KYNU: variants seen among roughly 807,000 people sequenced by gnomAD.
KYNU encodes the protein L-kynurenine hydrolase.
KYNU carries 54 observed loss-of-function variants against 59.2 expected under a neutral mutation model. The observed-to-expected ratio is 0.91, with a 90% CI of 0.73 to 1.14. KYNU has a LOEUF of 1.14. KYNU is among the 50% of genes most tolerant of loss of function. The pLI is 0.00. For synonymous variants in KYNU, 177 were observed against 192.0 expected, an observed-to-expected ratio of 0.92 and a Z score of 0.65; for missense variants, 567 against 554.4, an observed-to-expected ratio of 1.02 and a Z score of -0.23.
At chr2:142,980,085 C>T (rs950396715) in intron 8 of KYNU, among the ~76,000 whole-genome samples, 5 of 151,980 alleles carry the variant, frequency 3.3e-5, no homozygotes, top group African/African-American at 7.2e-5. Context: ...TTCCCAGAAC[C>T]GAGGGTTCCT....
In KYNU at chr2:143,021,892, T is replaced by C. The variant is rs376376529; in HGVS notation, c.903-7735T>C. ...ATTGACATTTTCTTAATATTGAATA[T>C]TGTTCAAGTATTTTTATTGTTCAGG... On this transcript the variant is annotated intron_variant, in intron 10 of 13. Coordinates refer to ENST00000264170, the MANE Select transcript of KYNU (RefSeq NM_003937.3). 7.7e-4 allele frequency among the ~76,000 whole-genome samples: 118 copies of C among 152,330 alleles called. 1 individual carries two copies. Among genetic ancestry groups the C allele is most frequent in the African/African-American group, 2.4e-3 (101 of 41,578 alleles).
At chr2:142,959,230 C>T (rs1457863320) in intron 7 of KYNU, among the ~76,000 whole-genome samples, 1 of 152,058 alleles carries the variant, frequency 6.6e-6, no homozygotes, top group Non-Finnish European at 1.5e-5. Flanking sequence ...TCTTAATGAG[C>T]TTCCCCCAAA....
At chr2:143,006,525 CA>C (rs1467507311) in intron 10 of KYNU, among the ~76,000 whole-genome samples, 19 of 444 alleles carry the variant, frequency 0.043, no homozygotes, top group African/African-American at 0.15. Flanking sequence ...ACAAAGCAGC[CA>C]GGAAGCTCAA....
chr2:142,917,728 T>C (rs1682712259), intron 2 of KYNU, among the ~76,000 whole-genome samples: 1 of 152,222 alleles, frequency 6.6e-6, no homozygotes, highest in African/African-American at 2.4e-5. Flanking sequence ...ATATATTTTA[T>C]TGGTCAGGCT....
At chr2:142,888,388 T>C (rs1681588429) in intron 2 of KYNU, among the ~76,000 whole-genome samples, 1 of 152,134 alleles carries the variant, frequency 6.6e-6, no homozygotes, top group Non-Finnish European at 1.5e-5. Flanking sequence ...AGCCCAGTAG[T>C]TCAAGGCTGC....
At chr2:142,993,442 G>C (rs1312160615) in intron 10 of KYNU, among the ~76,000 whole-genome samples, 1 of 151,936 alleles carries the variant, frequency 6.6e-6, no homozygotes, top group Non-Finnish European at 1.5e-5. Context: ...CTCTTGAAGT[G>C]GGTTACACCT....
chr2:142,948,489 GT>G (rs1344089288), intron 4 of KYNU, among the ~76,000 whole-genome samples: 2 of 152,228 alleles, frequency 1.3e-5, no homozygotes, highest in African/African-American at 2.4e-5. Context: ...AGAACTCATA[GT>G]TGCACATAGC....
At chr2:143,001,272 C>T (rs1387368591) in intron 10 of KYNU, among the ~76,000 whole-genome samples, 2 of 152,130 alleles carry the variant, frequency 1.3e-5, no homozygotes, top group Non-Finnish European at 2.9e-5. Context: ...CCCCAGCCAT[C>T]CTCACACCCA....
intron 3 of KYNU, 64 bp from the exon 4 acceptor site, chr2:142,927,595 T>G: frequency 8.6e-7 from 1 of 1,162,104 alleles, no homozygotes; most frequent in East Asian, 2.3e-5. Flanking sequence ...AAAGCTGATA[T>G]TTGAAATAAT....
chr2:143,011,866 G>A (rs1383595994), intron 10 of KYNU, among the ~76,000 whole-genome samples: 1 of 131,738 alleles, frequency 7.6e-6, no homozygotes, highest in Non-Finnish European at 1.6e-5. Context: ...TGAACAATGA[G>A]ATCACATGGA....
chr2:142,914,073 G>A (rs1055241801), intron 2 of KYNU, among the ~76,000 whole-genome samples: 11 of 152,166 alleles, frequency 7.2e-5, no homozygotes, highest in Admixed American at 3.9e-4. Context: ...AGGCCTGTGC[G>A]GCTCCACTGG....
chr2:143,014,236 A>G (rs1206946641), intron 10 of KYNU, among the ~76,000 whole-genome samples: 3 of 152,236 alleles, frequency 2.0e-5, no homozygotes, highest in Non-Finnish European at 4.4e-5. Context: ...TCTCAAACAT[A>G]TGTGGAGTTC....
intron 10 of KYNU, among the ~76,000 whole-genome samples, chr2:143,005,640 A>G (rs1243708757): frequency 6.6e-6 from 1 of 152,114 alleles, no homozygotes; most frequent in African/African-American, 2.4e-5. Flanking sequence ...AACCTTGTAT[A>G]TTTGAATAGT....
chr2:142,936,571 C>G (rs1683397502), intron 4 of KYNU, among the ~76,000 whole-genome samples: 1 of 152,050 alleles, frequency 6.6e-6, no homozygotes, highest in Non-Finnish European at 1.5e-5. Flanking sequence ...TTTTTCGTTC[C>G]CGGAATGGGA....
chr2:142,925,852 T>C (rs1302124053), intron 3 of KYNU, among the ~76,000 whole-genome samples: 1 of 152,172 alleles, frequency 6.6e-6, no homozygotes, highest in East Asian at 1.9e-4. Context: ...CCCAGGTTGG[T>C]ACTATACAAA....
chr2:143,026,758 C>CTT (rs1686584157), intron 10 of KYNU, among the ~76,000 whole-genome samples: 16 of 127,318 alleles, frequency 1.3e-4, no homozygotes, highest in Admixed American at 7.8e-4. Context: ...CCGCAGTCCG[C>CTT]AGTCCGCATT....
chr2:142,973,544 C>A (rs1418608698), intron 8 of KYNU, among the ~76,000 whole-genome samples: 2 of 152,158 alleles, frequency 1.3e-5, no homozygotes, highest in Non-Finnish European at 2.9e-5. Context: ...TACTCCCATC[C>A]TCATACCTTC....
intron 2 of KYNU, among the ~76,000 whole-genome samples, chr2:142,899,232 G>T (rs1439721794): frequency 6.6e-6 from 1 of 152,128 alleles, no homozygotes; most frequent in Non-Finnish European, 1.5e-5. Flanking sequence ...AAAGGGGGTT[G>T]CCACTCCCTG....
intron 2 of KYNU, among the ~76,000 whole-genome samples, chr2:142,902,476 G>A (rs1013283122): frequency 7.9e-5 from 12 of 152,268 alleles, no homozygotes; most frequent in South Asian, 4.1e-4. Flanking sequence ...CTATTTTGCC[G>A]TACCTGGGAA....
Sources: gnomAD v4.1 joint callset for allele counts (sites outside exome capture counted in the v4.1 genomes callset) on GRCh38, gnomAD v4.1.1 for gene constraint, MANE v1.5 for transcripts, NCBI Gene and HGNC (gene_info 2026-07-23, HGNC 2026-07-21) for gene names.